The following NBEA variants were observed in gnomAD, a reference collection of about 807,000 sequenced individuals.
NBEA encodes neurobeachin, also known as lysosomal-trafficking regulator 2.
Under a neutral mutation model 343.4 loss-of-function variants are expected in NBEA, and 44 were observed. The ratio of observed to expected loss-of-function variants is 0.13; its 90% confidence interval spans 0.10 to 0.16. The LOEUF (loss-of-function observed/expected upper bound fraction) is 0.16, where lower values mean the gene tolerates loss of function less well. Among genes scored for constraint, NBEA ranks in the 10% least tolerant of loss-of-function variants. NBEA has a pLI of 1.00. For synonymous variants in NBEA, 1,175 were observed against 1,238.7 expected (o/e 0.95, Z 1.08); for missense variants, 2,555 against 3,631.3 (o/e 0.70, Z 7.62).
intron 8 of NBEA, among the ~76,000 whole-genome samples, chr13:35,067,136 A>T (rs1463086794): frequency 3.3e-5 from 5 of 152,136 alleles, no homozygotes; most frequent in African/African-American, 1.2e-4. Context: ...TGACGTAATT[A>T]TTACTTCATA....
At chr13:35,408,879 GA>G (rs959012702) in intron 38 of NBEA, among the ~76,000 whole-genome samples, 10 of 152,168 alleles carry the variant, frequency 6.6e-5, no homozygotes, top group African/African-American at 2.4e-4. Context: ...GGAGAAAAAG[GA>G]ACACTTGTAC....
intron 1 of NBEA, among the ~76,000 whole-genome samples, chr13:34,953,509 C>T (rs1179697529): frequency 6.6e-6 from 1 of 152,112 alleles, no homozygotes; most frequent in African/African-American, 2.4e-5. Flanking sequence ...GCTCTTACCC[C>T]TATTTAAGTG....
intron 1 of NBEA, among the ~76,000 whole-genome samples, chr13:35,021,471 A>G (rs576064458): frequency 1.3e-5 from 2 of 152,258 alleles, no homozygotes; most frequent in Non-Finnish European, 2.9e-5. Context: ...AATTATTAAT[A>G]TTGCCACAAT....
At chr13:35,366,074 A>G (rs1253454831) in intron 38 of NBEA, among the ~76,000 whole-genome samples, 1 of 151,582 alleles carries the variant, frequency 6.6e-6, no homozygotes, top group Non-Finnish European at 1.5e-5. Context: ...TGTTTATGGC[A>G]TTTTAAGTAA....
At chr13:35,645,836 C>T (rs1201757063) in intron 49 of NBEA, 33 bp from the exon 50 acceptor site, 1 of 1,359,644 alleles carries the variant, frequency 7.4e-7, no homozygotes. Context: ...AATTGGTAGA[C>T]TTCATGTCTC....
At chr13:35,067,024 T>C (rs2063677625) in intron 8 of NBEA, among the ~76,000 whole-genome samples, 1 of 152,140 alleles carries the variant, frequency 6.6e-6, no homozygotes, top group Non-Finnish European at 1.5e-5. Flanking sequence ...TTTATCCTAG[T>C]GAGTTATATA....
intron 47 of NBEA, among the ~76,000 whole-genome samples, chr13:35,594,648 C>T (rs1593316091): frequency 6.6e-6 from 1 of 152,010 alleles, no homozygotes; most frequent in Non-Finnish European, 1.5e-5. Context: ...CATAAGCCAT[C>T]ATTTAAAATG....
At chr13:35,387,043 A>G (rs1484921651) in intron 38 of NBEA, among the ~76,000 whole-genome samples, 1 of 152,104 alleles carries the variant, frequency 6.6e-6, no homozygotes, top group Non-Finnish European at 1.5e-5. Context: ...CTTTTCTGAT[A>G]TATTAGATTG....
chr13:35,482,175 T>C (rs1196554204), intron 41 of NBEA, among the ~76,000 whole-genome samples: 1 of 151,754 alleles, frequency 6.6e-6, no homozygotes, highest in African/African-American at 2.4e-5. Flanking sequence ...TTTTTTTTAA[T>C]GATTAGTAAC....
intron 55 of NBEA, among the ~76,000 whole-genome samples, chr13:35,655,999 C>T (rs144392165): frequency 1.7e-3 from 261 of 152,218 alleles, no homozygotes; most frequent in African/African-American, 6.0e-3. Context: ...CTCAGCAGCC[C>T]AGTCACCAAA....
intron 34 of NBEA, among the ~76,000 whole-genome samples, chr13:35,262,026 TC>T (rs1180169006): frequency 1.4e-4 from 21 of 152,190 alleles, no homozygotes; most frequent in Non-Finnish European, 2.8e-4. Flanking sequence ...AAAAGACACT[TC>T]ACCAGTGATT....
intron 38 of NBEA, among the ~76,000 whole-genome samples, chr13:35,405,494 G>C (rs1742078128): frequency 6.6e-6 from 1 of 152,108 alleles, no homozygotes; most frequent in South Asian, 2.1e-4. Context: ...TGAAAGAACT[G>C]AGGTTTAGAT....
chr13:34,992,082 G>C (rs1308843723), intron 1 of NBEA, among the ~76,000 whole-genome samples: 21 of 147,494 alleles, frequency 1.4e-4, no homozygotes. Flanking sequence ...CTCTACCCTT[G>C]ATTTACAGGT....
intron 17 of NBEA, among the ~76,000 whole-genome samples, chr13:35,125,031 C>T (rs770252112): frequency 5.3e-5 from 8 of 152,006 alleles, no homozygotes; most frequent in South Asian, 2.1e-4. Flanking sequence ...AAAAAATTTA[C>T]GAAAAGATGA....
chr13:35,173,334 A>C, intron 26 of NBEA, 130 bp from the exon 27 acceptor site: 1 of 724,856 alleles, frequency 1.4e-6, no homozygotes. Context: ...TTATTGATCT[A>C]GTTGATTTTA....
intron 34 of NBEA, among the ~76,000 whole-genome samples, chr13:35,253,099 G>A (rs1054763985): frequency 3.9e-5 from 6 of 152,054 alleles, no homozygotes; most frequent in Non-Finnish European, 7.4e-5. Flanking sequence ...GTGCTTTGAA[G>A]GAAACAACCA....
rs113139297 is a variant in NBEA at position 35,103,333 on chromosome 13, T to C, written c.1680+4928T>C. 5.3e-5 allele frequency among the ~76,000 whole-genome samples: 8 copies of C among 151,874 alleles called. 1 individual carries two copies. Among genetic ancestry groups the C allele is most frequent in the African/African-American group, 1.4e-4 (6 of 41,510 alleles). The stretch of plus-strand genomic sequence containing the variant: ...TCCTGTGATTATTTCTCAGTTCTTA[T>C]CTTATTTGACCTGTGAATATTTCAG... On this transcript the variant is annotated intron_variant, in intron 11 of 58. Coordinates refer to ENST00000379939, the MANE Select transcript of NBEA (RefSeq NM_001385012.1).
At chr13:35,323,356 C>T (rs569459017) in intron 36 of NBEA, among the ~76,000 whole-genome samples, 4 of 152,004 alleles carry the variant, frequency 2.6e-5, no homozygotes, top group African/African-American at 9.7e-5. Flanking sequence ...AAATGTGGCA[C>T]TTATACACCA....
chr13:35,628,128 C>T lies in NBEA; in HGVS notation c.7497C>T (p.Asp2499=). Reference sequence around the variant, plus strand: ...CTTGCCAACTTCATCAGTGGATCGACCTTATATTTGGCTATAAGCAGCGAG... The same window carrying T: ...CTTGCCAACTTCATCAGTGGATCGATCTTATATTTGGCTATAAGCAGCGAG... ...FVSCQLHQWI[D]LIFGYKQRGP... The change falls in exon 49 of 59, where the codon GAC becomes GAT. Residue 2499 remains aspartate, a synonymous_variant. Transcript: ENST00000379939. The T allele has an allele frequency of 6.2e-7, 1 of 1,613,214 alleles. No individual in the cohort carries two copies. Among genetic ancestry groups the T allele is most frequent in the Non-Finnish European group, 8.5e-7 (1 of 1,179,530 alleles).
Sources: gnomAD v4.1 joint callset for allele counts (sites outside exome capture counted in the v4.1 genomes callset) on GRCh38, gnomAD v4.1.1 for gene constraint, MANE v1.5 for transcripts, NCBI Gene and HGNC (gene_info 2026-07-23, HGNC 2026-07-21) for gene names.